CNOT10: variants seen among roughly 807,000 people sequenced by gnomAD.
The protein encoded by CNOT10 is CCR4-NOT transcription complex subunit 10, also known as CCR4-NOT transcription complex, subunit 10.
In CNOT10, 30 loss-of-function variants were observed where a neutral mutation model predicts 94.6. The ratio of observed to expected loss-of-function variants is 0.32; its 90% CI spans 0.24 to 0.43. The LOEUF is 0.43. Ranked by LOEUF, CNOT10 falls within the 20% of genes least tolerant of loss-of-function variation. The pLI is 1.00. For missense variants in CNOT10, 759 were observed against 877.2 expected (o/e 0.87, Z 1.70); for synonymous variants, 289 against 301.6 (o/e 0.96, Z 0.43).
intron 1 of CNOT10, among the ~76,000 whole-genome samples, chr3:32,686,030 G>A (rs1696583379): frequency 6.6e-6 from 1 of 151,998 alleles, no homozygotes; most frequent in Non-Finnish European, 1.5e-5. Flanking sequence ...CTTCCGCCTT[G>A]GCCTCTCAAA....
intron 14 of CNOT10, among the ~76,000 whole-genome samples, chr3:32,761,862 T>A (rs1700462937): frequency 6.8e-6 from 1 of 146,212 alleles, no homozygotes; most frequent in Non-Finnish European, 1.5e-5. Context: ...AGCTTCCATC[T>A]CCCGGGTTCA....
At chr3:32,764,840 G>C in intron 17 of CNOT10, 31 bp downstream of exon 17, 1 of 1,606,974 alleles carries the variant, frequency 6.2e-7, no homozygotes, top group Non-Finnish European at 8.5e-7. Flanking sequence ...ACTGAACCTT[G>C]TAAAGCAGCC....
chr3:32,720,961 C>A (rs1698369732), intron 8 of CNOT10, among the ~76,000 whole-genome samples: 1 of 145,230 alleles, frequency 6.9e-6, no homozygotes, highest in South Asian at 2.3e-4. Flanking sequence ...CCCTTCCCTC[C>A]CTTCCCTCCT....
chr3:32,735,515 T>G (rs1379853939), intron 12 of CNOT10, among the ~76,000 whole-genome samples: 1 of 152,116 alleles, frequency 6.6e-6, no homozygotes, highest in East Asian at 1.9e-4. Flanking sequence ...CAAGACCAGC[T>G]GGCCAACATG....
chr3:32,757,111 A>G (rs1424454904), intron 13 of CNOT10, among the ~76,000 whole-genome samples: 1 of 133,748 alleles, frequency 7.5e-6, no homozygotes, highest in Non-Finnish European at 1.6e-5. Flanking sequence ...GTCTCAAAAG[A>G]AAAAAAAAAA....
At chr3:32,687,022 G>A (rs1460300908) in intron 1 of CNOT10, among the ~76,000 whole-genome samples, 1 of 152,148 alleles carries the variant, frequency 6.6e-6, no homozygotes, top group Non-Finnish European at 1.5e-5. Context: ...TGAAGAATAA[G>A]GTCCACAGTG....
chr3:32,703,662 G>A, intron 1 of CNOT10: 1 of 489,042 alleles, frequency 2.0e-6, no homozygotes, highest in Non-Finnish European at 3.7e-6. Context: ...GGACAGAGCG[G>A]GACACTGCAG....
chr3:32,691,481 A>G (rs958648411), intron 1 of CNOT10, among the ~76,000 whole-genome samples: 6 of 151,728 alleles, frequency 4.0e-5, no homozygotes, highest in Non-Finnish European at 7.4e-5. Context: ...TAACTTTTGT[A>G]TTTTTAGTAG....
chr3:32,732,938 T>G (rs7431692), intron 10 of CNOT10, among the ~76,000 whole-genome samples: 3,233 of 152,308 alleles, frequency 0.021, 62 homozygotes, highest in Middle Eastern at 0.075. Flanking sequence ...CCATGTAAAT[T>G]TTTACCACGT....
chr3:32,695,725 G>C (rs1697018274), intron 1 of CNOT10: 64 of 1,535,898 alleles, frequency 4.2e-5, no homozygotes, highest in Non-Finnish European at 5.5e-5. Flanking sequence ...TAGAAGGAAA[G>C]TCAAGCTTAT....
chr3:32,727,593 T>A, intron 9 of CNOT10, 75 bp from the exon 10 acceptor site: 1 of 962,032 alleles, frequency 1.0e-6, no homozygotes, highest in Non-Finnish European at 1.7e-6. Flanking sequence ...TCTAAGTACT[T>A]AATGGAGTAA....
Position 32,773,725 on chromosome 3 carries a change from A to C in CNOT10, c.*114A>C. 1 of 1,134,754 alleles carries C rather than the reference A, an allele frequency of 8.8e-7. No individual in the cohort carries two copies. Among genetic ancestry groups the C allele is most frequent in the South Asian group, 1.9e-5 (1 of 53,950 alleles). 70.3% of individuals were successfully genotyped at this position (1,134,754 alleles called of 1,614,324 possible). ...GGTGAAGGCTGTTAATTTTGAGTCA[A>C]TTCTACCCCTGACATTTGGCCAAAA... is the stretch of plus-strand genomic sequence containing the variant. On this transcript the variant is annotated 3_prime_UTR_variant, in exon 19 of 19. Coordinates refer to ENST00000328834, the MANE Select transcript of CNOT10 (RefSeq NM_015442.3).
At chr3:32,688,371 G>A (rs560060302) in intron 1 of CNOT10, among the ~76,000 whole-genome samples, 2 of 152,184 alleles carry the variant, frequency 1.3e-5, no homozygotes, top group African/African-American at 4.8e-5. Context: ...GGCTGAGGGG[G>A]GTGGATCACC....
intron 13 of CNOT10, among the ~76,000 whole-genome samples, chr3:32,745,694 C>T (rs1320599349): frequency 6.6e-6 from 1 of 152,108 alleles, no homozygotes; most frequent in Non-Finnish European, 1.5e-5. Flanking sequence ...GAATACTAGT[C>T]AGCTATAAGG....
intron 13 of CNOT10, among the ~76,000 whole-genome samples, chr3:32,739,881 C>T (rs999375217): frequency 7.9e-5 from 12 of 151,782 alleles, no homozygotes; most frequent in East Asian, 1.9e-4. Flanking sequence ...GCCAAGACCG[C>T]GCCGTTGCAC....
At chr3:32,763,210 G>A (rs1209810764) in intron 15 of CNOT10, among the ~76,000 whole-genome samples, 4 of 151,958 alleles carry the variant, frequency 2.6e-5, no homozygotes, top group African/African-American at 7.3e-5. Context: ...GGTGGCTCAC[G>A]CCTGTAATCC....
rs116076475 is a variant in CNOT10, at chr3:32,690,227, A to G, written c.22+4745A>G. Among the ~76,000 whole-genome samples, 679 of 152,334 alleles carry G rather than the reference A, an allele frequency of 4.5e-3. 8 individuals carry two copies. Among genetic ancestry groups the G allele is most frequent in the African/African-American group, 0.016 (645 of 41,572 alleles). On this transcript the variant is annotated intron_variant, in intron 1 of 18. Coordinates refer to ENST00000328834, the MANE Select transcript of CNOT10 (RefSeq NM_015442.3). ...GATAGTTTAGGTTCATCCTAGCTGT[A>G]CTACTTGGTATTTGTGGGAAATTGG... is the stretch of plus-strand genomic sequence containing the variant.
chr3:32,772,947 C>T (rs1324328916), intron 18 of CNOT10, among the ~76,000 whole-genome samples: 3 of 152,158 alleles, frequency 2.0e-5, no homozygotes, highest in Non-Finnish European at 4.4e-5. Context: ...CTCACTGCAG[C>T]CTTGACCTCC....
chr3:32,704,442 C>T (rs1399539953), intron 2 of CNOT10, among the ~76,000 whole-genome samples: 1 of 152,024 alleles, frequency 6.6e-6, no homozygotes, highest in African/African-American at 2.4e-5. Flanking sequence ...AGCAGAAGAA[C>T]TTGATGCTTG....
Sources: allele counts gnomAD v4.1 joint callset (sites outside exome capture counted in the v4.1 genomes callset), GRCh38; gene constraint gnomAD v4.1.1; transcripts MANE v1.5; gene names NCBI Gene and HGNC (gene_info 2026-07-23, HGNC 2026-07-21).